Variants in CCDC158 observed in about 807,000 individuals in gnomAD.
The protein encoded by CCDC158 is coiled-coil domain-containing protein 158.
In CCDC158, 116 loss-of-function variants were observed where a neutral mutation model predicts 138.6. The ratio of observed to expected loss-of-function variants is 0.84; its 90% CI spans 0.72 to 0.98. The LOEUF (loss-of-function observed/expected upper bound fraction) is 0.98, where lower values mean the gene tolerates loss of function less well. Among genes scored for constraint, CCDC158 ranks in the 50% least tolerant of loss-of-function variants. CCDC158 has a pLI of 0.00. For missense variants in CCDC158, 1,265 were observed against 1,306.1 expected (o/e 0.97, Z 0.48); for synonymous variants, 436 against 442.4 (o/e 0.99, Z 0.18).
intron 3 of CCDC158, among the ~76,000 whole-genome samples, chr4:76,399,352 C>A (rs1728127588): frequency 6.6e-6 from 1 of 152,140 alleles, no homozygotes; most frequent in African/African-American, 2.4e-5. Flanking sequence ...ATGGCTAATG[C>A]ATACGGGCTT....
intron 8 of CCDC158, among the ~76,000 whole-genome samples, chr4:76,381,974 C>T (rs1358332203): frequency 6.6e-6 from 1 of 152,202 alleles, no homozygotes; most frequent in Non-Finnish European, 1.5e-5. Context: ...AGCCACCATG[C>T]CCAGCCAATA....
intron 24 of CCDC158, among the ~76,000 whole-genome samples, chr4:76,315,370 T>C (rs994280460): frequency 2.6e-5 from 4 of 152,176 alleles, no homozygotes; most frequent in Non-Finnish European, 5.9e-5. Context: ...TATTGAGAGC[T>C]TGATGGCCCT....
chr4:76,313,313 C>G, intron 24 of CCDC158, 67 bp from the exon 25 acceptor site: 1 of 908,734 alleles, frequency 1.1e-6, no homozygotes, highest in Non-Finnish European at 1.7e-6. Flanking sequence ...CTATGTGCTA[C>G]TTAAAAGATC....
At chr4:76,420,154 T>G (rs1260837449) in intron 1 of CCDC158, among the ~76,000 whole-genome samples, 4 of 151,902 alleles carry the variant, frequency 2.6e-5, no homozygotes, top group Admixed American at 6.6e-5. Context: ...CACATCTCTC[T>G]CAGCACTCCT....
At chr4:76,399,877 G>A (rs1197229366) in intron 3 of CCDC158, among the ~76,000 whole-genome samples, 1 of 152,150 alleles carries the variant, frequency 6.6e-6, no homozygotes, top group Non-Finnish European at 1.5e-5. Context: ...AGTTGACAGT[G>A]GGGGGTGAGA....
rs774471298 is a variant in CCDC158 at position 76,382,646 on chromosome 4, T to G, written c.878A>C (p.Gln293Pro). 6.2e-7 allele frequency: 1 copy of G among 1,613,548 alleles called. No homozygotes were observed. The highest frequency in any genetic ancestry group is 8.5e-7 in the Non-Finnish European group (1 of 1,179,598). Residue 293 changes from glutamine (Q) to proline (P), a missense_variant, in exon 8 of 25, where the codon CAA becomes CCA. Physicochemically the swap from Gln to Pro is moderately conservative, Grantham distance 76. Coordinates refer to ENST00000682701, the MANE Select transcript of CCDC158 (RefSeq NM_001394954.1). Reference protein sequence around the residue: ...LTEKASSARSQANSIQSQMEI... With the variant: ...LTEKASSARSPANSIQSQMEI... ...CATTTGACTCTGGATACTATTGGCT[T>G]GGCTTCGAGCACTGCTAGCTTTCTC...
intron 18 of CCDC158, among the ~76,000 whole-genome samples, chr4:76,339,932 C>T (rs907283490): frequency 6.6e-6 from 1 of 152,188 alleles, no homozygotes; most frequent in Admixed American, 6.5e-5. Flanking sequence ...CTCTTATACA[C>T]AGAAGTGAGA....
chr4:76,359,112 CTCTCTA>C (rs1360144504), intron 13 of CCDC158, among the ~76,000 whole-genome samples: 1 of 152,132 alleles, frequency 6.6e-6, no homozygotes, highest in African/African-American at 2.4e-5. Flanking sequence ...CTCTCTCTCT[CTCTCTA>C]CTGCTACCAT....
Position 76,370,010 on chromosome 4 carries a change from T to C in CCDC158, c.1150-387A>G, listed in dbSNP as rs1442651894. Reference sequence around the variant, plus strand: ...GGAAAAATGATAAGTAAAGGAAAAATGATAAGTAATGGAGAGATGGCAGAA... The same window carrying C: ...GGAAAAATGATAAGTAAAGGAAAAACGATAAGTAATGGAGAGATGGCAGAA... On this transcript the variant is annotated intron_variant, in intron 10 of 24. Transcript: ENST00000682701. Among the ~76,000 whole-genome samples the C allele has an allele frequency of 2.6e-5, 4 of 151,812 alleles. 1 individual carries two copies. The highest frequency in any genetic ancestry group is 9.7e-5 in the African/African-American group (4 of 41,320).
chr4:76,343,415 TAAAAG>T (rs555998662), intron 18 of CCDC158, among the ~76,000 whole-genome samples: 61 of 152,252 alleles, frequency 4.0e-4, no homozygotes, highest in African/African-American at 1.4e-3. Flanking sequence ...CACCAAGCAT[TAAAAG>T]AAAGTCTACA....
intron 18 of CCDC158, among the ~76,000 whole-genome samples, chr4:76,342,075 TA>T (rs1442255030): frequency 6.6e-6 from 1 of 152,120 alleles, no homozygotes; most frequent in Non-Finnish European, 1.5e-5. Context: ...CTATTATTAT[TA>T]TTTTTTTTTT....
At chr4:76,313,336 T>C (rs928661602) in intron 24 of CCDC158, 90 bp from the exon 25 acceptor site, 1 of 710,350 alleles carries the variant, frequency 1.4e-6, no homozygotes, top group Admixed American at 2.9e-5. Flanking sequence ...CTTGATAGTA[T>C]AGAATAGACA....
At chr4:76,339,381 C>T (rs1721840955) in intron 18 of CCDC158, among the ~76,000 whole-genome samples, 1 of 152,186 alleles carries the variant, frequency 6.6e-6, no homozygotes, top group South Asian at 2.1e-4. Flanking sequence ...ATGTGTTCCT[C>T]TTTCAGCTAG....
chr4:76,375,318 T>C (rs1183676706), intron 9 of CCDC158: 2 of 397,900 alleles, frequency 5.0e-6, no homozygotes, highest in African/African-American at 4.1e-5. Context: ...ATTTTAGAGA[T>C]ATTGCCAATC....
intron 4 of CCDC158, among the ~76,000 whole-genome samples, chr4:76,392,711 G>C (rs1360054914): frequency 1.6e-4 from 24 of 151,962 alleles, no homozygotes; most frequent in Non-Finnish European, 1.5e-5. Flanking sequence ...CTTGTTTCCA[G>C]ATGATATAAT....
At chr4:76,360,748 T>C (rs533830724) in intron 13 of CCDC158, among the ~76,000 whole-genome samples, 39 of 152,322 alleles carry the variant, frequency 2.6e-4, no homozygotes, top group African/African-American at 8.9e-4. Flanking sequence ...AATTAACTTG[T>C]TTTTTATTTT....
At position 76,376,645 on chromosome 4, in the gene CCDC158, T is replaced by TTTACAA. The variant is rs1463835186; in HGVS notation, c.1029+2644_1029+2645insTTGTAA. Among the ~76,000 whole-genome samples the TTTACAA allele has an allele frequency of 4.6e-5, 7 of 152,354 alleles. No individual in the cohort carries two copies. In the East Asian group the frequency reaches 1.3e-3, roughly 29 times the overall value. On this transcript the variant is annotated intron_variant, in intron 9 of 24. Coordinates refer to ENST00000682701, the MANE Select transcript of CCDC158 (RefSeq NM_001394954.1). ...GTGAAATCCTTGTTATTAACTTGTT[T>TTTACAA]GATTTTCCTTGCTCAGCTACACCAT...
intron 3 of CCDC158, among the ~76,000 whole-genome samples, chr4:76,399,416 C>T (rs914934850): frequency 6.6e-6 from 1 of 152,052 alleles, no homozygotes; most frequent in Non-Finnish European, 1.5e-5. Context: ...CACACATTTA[C>T]CTATGCAACA....
chr4:76,328,997 T>G (rs1442035750), intron 21 of CCDC158, 30 bp from the exon 22 acceptor site: 1 of 1,564,746 alleles, frequency 6.4e-7, no homozygotes, highest in Non-Finnish European at 8.8e-7. Flanking sequence ...AATGCAAGCA[T>G]TCCATTTCAC....
Sources: gnomAD v4.1 joint callset for allele counts (sites outside exome capture counted in the v4.1 genomes callset) on GRCh38, gnomAD v4.1.1 for gene constraint, MANE v1.5 for transcripts, NCBI Gene and HGNC (gene_info 2026-07-23, HGNC 2026-07-21) for gene names.